The following STAT3 variants were observed in gnomAD, a reference collection of about 807,000 sequenced individuals.
STAT3 encodes the protein signal transducer and activator of transcription 3.
STAT3 carries 7 observed loss-of-function variants against 114.3 expected under a neutral mutation model. The observed-to-expected ratio is 0.06, with a 90% CI of 0.03 to 0.11. STAT3 has a LOEUF of 0.11. Among genes scored for constraint, STAT3 ranks in the 10% least tolerant of loss-of-function variants. STAT3 has a pLI of 1.00. For synonymous variants in STAT3, 331 were observed against 354.5 expected (o/e 0.93, Z 0.74); for missense variants, 364 against 960.9 (o/e 0.38, Z 8.21).
At chr17:42,352,262 C>T (rs1159497139) in intron 1 of STAT3, among the ~76,000 whole-genome samples, 1 of 151,942 alleles carries the variant, frequency 6.6e-6, no homozygotes, top group Admixed American at 6.6e-5. Flanking sequence ...TCACTTGAAC[C>T]CGGGAGGTGG....
At chr17:42,362,985 TA>T (rs1172989984) in intron 1 of STAT3, among the ~76,000 whole-genome samples, 1 of 152,208 alleles carries the variant, frequency 6.6e-6, no homozygotes, top group East Asian at 1.9e-4. Flanking sequence ...CTTGGACTCA[TA>T]ACCACTATGC....
intron 1 of STAT3, among the ~76,000 whole-genome samples, chr17:42,381,683 G>A (rs996356414): frequency 6.8e-6 from 1 of 146,028 alleles, no homozygotes; most frequent in Non-Finnish European, 1.5e-5. Context: ...AATGAGCCAA[G>A]ATAGCGCCAC....
At chr17:42,357,137 T>C (rs1239494276) in intron 1 of STAT3, among the ~76,000 whole-genome samples, 2 of 152,164 alleles carry the variant, frequency 1.3e-5, no homozygotes, top group Admixed American at 1.3e-4. Context: ...TTTGTTTCTA[T>C]TGGTGTTTTC....
chr17:42,380,448 G>A (rs570156840), intron 1 of STAT3, among the ~76,000 whole-genome samples: 18 of 151,312 alleles, frequency 1.2e-4, no homozygotes, highest in African/African-American at 3.4e-4. Flanking sequence ...GCAGTGGCAC[G>A]ATCTCGGTTC....
chr17:42,386,257 GGCAACAGA>G (rs1486940287), intron 1 of STAT3, among the ~76,000 whole-genome samples: 3 of 150,252 alleles, frequency 2.0e-5, no homozygotes, highest in East Asian at 3.9e-4. Context: ...CTCTAGCCTG[GGCAACAGA>G]GCAAGACTCT....
chr17:42,340,141 T>C (rs1261687614), intron 4 of STAT3, among the ~76,000 whole-genome samples: 1 of 152,112 alleles, frequency 6.6e-6, no homozygotes, highest in African/African-American at 2.4e-5. Flanking sequence ...GCAGATTACC[T>C]GAGGTCAGGA....
At chr17:42,386,308 G>C (rs1339186029) in intron 1 of STAT3, among the ~76,000 whole-genome samples, 1 of 150,644 alleles carries the variant, frequency 6.6e-6, no homozygotes, top group African/African-American at 2.4e-5. Context: ...GAATTTCACT[G>C]ATACTTTTCA....
intron 1 of STAT3, among the ~76,000 whole-genome samples, chr17:42,364,155 T>TA (rs2083657852): frequency 6.6e-6 from 1 of 152,108 alleles, no homozygotes; most frequent in Non-Finnish European, 1.5e-5. Flanking sequence ...ACACCTCCCC[T>TA]ACTGAACAGA....
chr17:42,333,212 G>A lies in STAT3; in HGVS notation c.1049+461C>T, dbSNP rs916292139. 6.6e-6 allele frequency among the ~76,000 whole-genome samples: 1 copy of A among 151,954 alleles called. No homozygotes were observed. The highest frequency in any genetic ancestry group is 2.4e-5 in the African/African-American group (1 of 41,356). On this transcript the variant is annotated intron_variant, in intron 10 of 23. Coordinates refer to ENST00000264657, the MANE Select transcript of STAT3 (RefSeq NM_139276.3). This position sits in a 1 kb window ranked among gnomAD's most constrained non-coding sequence, Gnocchi z 5.2. ...CTAAGTTTCTGAGGAGGGAAATTTT[G>A]CTGCAGAAGGTCAAAACCCCAGCAC...
chr17:42,332,921 A>G (rs1321351269), intron 10 of STAT3, among the ~76,000 whole-genome samples: 1 of 152,102 alleles, frequency 6.6e-6, no homozygotes, highest in African/African-American at 2.4e-5. Context: ...GAATCACTTG[A>G]ACCTGGGAGA....
At chr17:42,387,160 TAC>T in intron 1 of STAT3, 1 of 152,272 alleles carries the variant, frequency 6.6e-6, no homozygotes. Context: ...GTACACACTA[TAC>T]ACATTTTTAA....
At chr17:42,328,811 C>G (rs1003041203) in intron 14 of STAT3, among the ~76,000 whole-genome samples, 1 of 152,140 alleles carries the variant, frequency 6.6e-6, no homozygotes, top group African/African-American at 2.4e-5. Flanking sequence ...GTCACATTTA[C>G]CTTTTTTTGT....
rs139588729 is a variant in STAT3 at position 42,337,509 on chromosome 17, A to T, written c.723T>A (p.Ala241=). 2 of 1,614,106 alleles carry T rather than the reference A, an allele frequency of 1.2e-6. No individual in the cohort carries two copies. Among genetic ancestry groups the T allele is most frequent in the Non-Finnish European group, 1.7e-6 (2 of 1,180,056 alleles). The stretch of plus-strand genomic sequence containing the variant: ...CAATCTGTTGCCGCCTCTTCCAGTC[A>T]GCCAGCTCCTCGTCCGTGAGAGTTT... ...VQKTLTDEEL[A]DWKRRQQIAC... The change falls in exon 8 of 24, where the codon GCT becomes GCA. Residue 241 remains alanine, a synonymous_variant. Coordinates refer to ENST00000264657, the MANE Select transcript of STAT3 (RefSeq NM_139276.3). The surrounding 1 kb of genome is among the most constrained non-coding windows in gnomAD (Gnocchi z 4.0).
chr17:42,334,210 A>G (rs1189258744), intron 8 of STAT3, among the ~76,000 whole-genome samples, 161 bp from the exon 9 acceptor site: 2 of 152,216 alleles, frequency 1.3e-5, no homozygotes, highest in Non-Finnish European at 1.5e-5. Context: ...ACAATTTTTC[A>G]TCTTAAGTTT....
In STAT3 at chr17:42,315,814, C is replaced by T. The variant is rs763997609; in HGVS notation, c.2258-14G>A. ...AGGTGAGGGACTCTGGAGGGACAGA[C>T]AGGGAAAACTAGTTCAGTTGTCCAC... On this transcript the variant is annotated splice_polypyrimidine_tract_variant and intron_variant, in intron 23 of 23. Transcript: ENST00000264657. 1.2e-5 allele frequency: 19 copies of T among 1,613,902 alleles called. No individual in the cohort carries two copies. Among genetic ancestry groups the T allele is most frequent in the Non-Finnish European group, 1.6e-5 (19 of 1,180,024 alleles).
rs563944808 is a variant in STAT3, at chr17:42,315,235, A to G, written c.*510T>C. On this transcript the variant is annotated 3_prime_UTR_variant, in exon 24 of 24. Coordinates refer to ENST00000264657, the MANE Select transcript of STAT3 (RefSeq NM_139276.3). Reference sequence around the variant, plus strand: ...TAATTGTTATTATTTCTTAATTTAAAAAGAAACCTAGGGCTTAGATAGTCC... The same window carrying G: ...TAATTGTTATTATTTCTTAATTTAAGAAGAAACCTAGGGCTTAGATAGTCC... The G allele has an allele frequency of 4.0e-6, 1 of 250,022 alleles. No individual in the cohort carries two copies. Among genetic ancestry groups the G allele is most frequent in the Non-Finnish European group, 7.8e-6 (1 of 127,642 alleles). 15.5% of individuals were successfully genotyped at this position (250,022 alleles called of 1,614,324 possible).
intron 4 of STAT3, among the ~76,000 whole-genome samples, chr17:42,340,085 C>T (rs570440764): frequency 6.6e-6 from 1 of 152,138 alleles, no homozygotes; most frequent in South Asian, 2.1e-4. Context: ...GTGCCAGGTG[C>T]GGTGGCTGAT....
intron 1 of STAT3, among the ~76,000 whole-genome samples, chr17:42,361,700 G>A (rs2083517164): frequency 6.6e-6 from 1 of 152,076 alleles, no homozygotes. Flanking sequence ...GGGTTCTAAT[G>A]AAGCAGTACA....
chr17:42,331,905 A>G (rs1343472803), intron 10 of STAT3, among the ~76,000 whole-genome samples: 1 of 151,570 alleles, frequency 6.6e-6, no homozygotes, highest in Non-Finnish European at 1.5e-5. Context: ...TCTAGCCTAG[A>G]TGACAGAGCG....
Sources: allele counts gnomAD v4.1 joint callset (sites outside exome capture counted in the v4.1 genomes callset), GRCh38; gene constraint gnomAD v4.1.1; non-coding constraint Gnocchi (gnomAD v3.1); transcripts MANE v1.5; gene names NCBI Gene and HGNC (gene_info 2026-07-23, HGNC 2026-07-21).